Variants in RALGPS1 observed in about 807,000 individuals in gnomAD.
The protein encoded by RALGPS1 is ras-specific guanine nucleotide-releasing factor RalGPS1.
Under a neutral mutation model 78.8 loss-of-function variants are expected in RALGPS1, and 19 were observed. The ratio of observed to expected loss-of-function variants is 0.24; its 90% CI spans 0.17 to 0.35. The LOEUF is 0.35. RALGPS1 is among the 10% of genes least tolerant of loss of function. The pLI is 1.00. For synonymous variants in RALGPS1, 228 were observed against 256.3 expected (o/e 0.89, Z 1.06); for missense variants, 454 against 688.3 (o/e 0.66, Z 3.81).
chr9:127,045,407 A>G (rs557204351), intron 5 of RALGPS1, among the ~76,000 whole-genome samples: 5 of 152,322 alleles, frequency 3.3e-5, no homozygotes, highest in Admixed American at 1.3e-4. Flanking sequence ...GTATATAAAC[A>G]CCATACTCCA....
rs1376276450 is a variant in RALGPS1 at position 127,174,703 on chromosome 9, CTT to C, written c.843-10_843-9del. The C allele has an allele frequency of 5.0e-6, 8 of 1,613,460 alleles. No homozygotes were observed. Among genetic ancestry groups the C allele is most frequent in the Non-Finnish European group, 5.9e-6 (7 of 1,179,572 alleles). Reference sequence around the variant, plus strand: ...AGAGCCCATCTGATCTTATGAAAATCTTTGTTTTCAGACTGTCGCTCAGAATC... The same window carrying C: ...AGAGCCCATCTGATCTTATGAAAATCTGTTTTCAGACTGTCGCTCAGAATC... On this transcript the variant is annotated splice_polypyrimidine_tract_variant and intron_variant, in intron 10 of 18. Transcript: ENST00000259351.
Position 126,973,963 on chromosome 9 carries a change from C to G in RALGPS1, c.166-3732C>G, listed in dbSNP as rs561825448. On this transcript the variant is annotated intron_variant, in intron 3 of 18. Coordinates refer to ENST00000259351, the MANE Select transcript of RALGPS1 (RefSeq NM_014636.3). ...TTTCGGCTCACTGCAACCCACTCCT[C>G]TCGGGTTCAAGCAATTCTCTTGCCT... Among the ~76,000 whole-genome samples, 378 of 152,296 alleles carry G rather than the reference C, an allele frequency of 2.5e-3. 2 individuals carry two copies. Among genetic ancestry groups the G allele is most frequent in the Admixed American group, 3.8e-3 (58 of 15,302 alleles).
intron 1 of RALGPS1, among the ~76,000 whole-genome samples, chr9:126,944,963 A>G (rs929952380): frequency 4.6e-5 from 7 of 152,216 alleles, no homozygotes; most frequent in African/African-American, 1.7e-4. Flanking sequence ...TCAAGCCTAT[A>G]GAGTGAAAGA....
intron 1 of RALGPS1, among the ~76,000 whole-genome samples, chr9:126,925,644 A>G (rs973212707): frequency 1.3e-5 from 2 of 152,120 alleles, no homozygotes; most frequent in African/African-American, 2.4e-5. Flanking sequence ...CTTGAGTCCC[A>G]GAGTTGAGTC....
chr9:127,096,162 A>G (rs1190966061), intron 8 of RALGPS1, among the ~76,000 whole-genome samples: 1 of 152,206 alleles, frequency 6.6e-6, no homozygotes, highest in African/African-American at 2.4e-5. Context: ...CCACTCCCTC[A>G]GTATCCTTCC....
At chr9:127,195,573 G>A (rs2061310804) in intron 12 of RALGPS1, among the ~76,000 whole-genome samples, 1 of 152,204 alleles carries the variant, frequency 6.6e-6, no homozygotes, top group African/African-American at 2.4e-5. Context: ...AGACACCAGT[G>A]ACTGTCATCC....
intron 1 of RALGPS1, among the ~76,000 whole-genome samples, chr9:126,926,722 A>T (rs748917860): frequency 3.0e-4 from 45 of 152,018 alleles, no homozygotes; most frequent in Middle Eastern, 3.4e-3. Flanking sequence ...GTGAAAGGGG[A>T]CTAGAGATTG....
At chr9:127,188,252 C>G (rs904082876) in intron 11 of RALGPS1, among the ~76,000 whole-genome samples, 3 of 151,926 alleles carry the variant, frequency 2.0e-5, no homozygotes, top group Admixed American at 6.6e-5. Context: ...TTAGTAGAGA[C>G]AGGGTTTCAC....
At chr9:126,981,611 C>T (rs1353890961) in intron 4 of RALGPS1, among the ~76,000 whole-genome samples, 2 of 152,194 alleles carry the variant, frequency 1.3e-5, no homozygotes, top group Non-Finnish European at 2.9e-5. Context: ...TGTGCAGGCT[C>T]TAGGCTAGGC....
At chr9:127,179,439 A>G (rs2060081204) in intron 11 of RALGPS1, among the ~76,000 whole-genome samples, 1 of 152,186 alleles carries the variant, frequency 6.6e-6, no homozygotes, top group Non-Finnish European at 1.5e-5. Context: ...GACCAGACTC[A>G]GGGACAGGAA....
At chr9:126,998,231 G>A (rs1326151080) in intron 4 of RALGPS1, among the ~76,000 whole-genome samples, 2 of 152,186 alleles carry the variant, frequency 1.3e-5, no homozygotes, top group Non-Finnish European at 2.9e-5. Flanking sequence ...GAGTGAACAG[G>A]CAACCTACAG....
intron 8 of RALGPS1, among the ~76,000 whole-genome samples, chr9:127,141,616 C>CAAAAAAAAAAAAAAAAAAAAAA (rs61291398): frequency 1.5e-5 from 1 of 68,660 alleles, no homozygotes; most frequent in Non-Finnish European, 2.5e-5. Flanking sequence ...TTTTTAATGG[C>CAAAAAAAAAAAAAAAAAAAAAA]AAAAAAAAAA....
intron 8 of RALGPS1, among the ~76,000 whole-genome samples, chr9:127,107,283 C>G (rs532805283): frequency 1.3e-5 from 2 of 152,314 alleles, no homozygotes; most frequent in South Asian, 4.1e-4. Flanking sequence ...AGCTTTAAAA[C>G]CTGCCAGCAA....
intron 11 of RALGPS1, among the ~76,000 whole-genome samples, chr9:127,189,295 A>G (rs1032403949): frequency 8.5e-5 from 13 of 152,246 alleles, no homozygotes; most frequent in Admixed American, 8.5e-4. Context: ...AGTCCTGGGG[A>G]GTGTATCCAC....
intron 1 of RALGPS1, among the ~76,000 whole-genome samples, chr9:126,918,064 G>A (rs978188019): frequency 6.6e-6 from 1 of 152,204 alleles, no homozygotes; most frequent in Non-Finnish European, 1.5e-5. Context: ...GACTTTGACT[G>A]GAAAGAAGGT....
chr9:126,977,834 C>T, intron 4 of RALGPS1, 89 bp downstream of exon 4: 1 of 861,536 alleles, frequency 1.2e-6, no homozygotes, highest in Non-Finnish European at 1.8e-6. Flanking sequence ...CTCAGTTTCT[C>T]TCTTGCAGGC....
chr9:127,009,485 C>T (rs957086635), intron 4 of RALGPS1, among the ~76,000 whole-genome samples: 2 of 152,152 alleles, frequency 1.3e-5, no homozygotes, highest in African/African-American at 4.8e-5. Context: ...ATAAATATCC[C>T]CTTTTAGCAG....
At position 127,212,027 on chromosome 9, in the gene RALGPS1, G is replaced by A. The variant is rs1251711518; in HGVS notation, c.1248-104G>A. On this transcript the variant is annotated intron_variant, in intron 14 of 18. Transcript: ENST00000259351. This position sits in a 1 kb window ranked among gnomAD's most constrained non-coding sequence, Gnocchi z 6.0. Reference sequence around the variant, plus strand: ...TGCGCCGTTAAGTCTGGACTGCTGGGATGTCATGGACTTGGTAGTGGGGCA... The same window carrying A: ...TGCGCCGTTAAGTCTGGACTGCTGGAATGTCATGGACTTGGTAGTGGGGCA... The A allele has an allele frequency of 2.3e-6, 2 of 864,586 alleles. No homozygotes were observed. Among genetic ancestry groups the A allele is most frequent in the East Asian group, 2.7e-5 (1 of 37,642 alleles). The allele number at this position is 864,586 out of a possible 1,614,324, so 53.6% of individuals were successfully genotyped here.
chr9:127,195,344 G>A, intron 12 of RALGPS1, 127 bp downstream of exon 12: 3 of 1,303,488 alleles, frequency 2.3e-6, no homozygotes, highest in East Asian at 5.1e-5. Flanking sequence ...GCTGATGAGA[G>A]CTCTTGGAAT....
Sources: gnomAD v4.1 joint callset for allele counts (sites outside exome capture counted in the v4.1 genomes callset) on GRCh38, gnomAD v4.1.1 for gene constraint, Gnocchi (gnomAD v3.1) non-coding constraint, MANE v1.5 for transcripts, NCBI Gene and HGNC (gene_info 2026-07-23, HGNC 2026-07-21) for gene names.